PYY: variants seen among roughly 807,000 people sequenced by gnomAD.
The protein encoded by PYY is peptide YY.
Under a neutral mutation model 10.3 loss-of-function variants are expected in PYY, and 12 were observed. The ratio of observed to expected loss-of-function variants is 1.17; its 90% CI spans 0.75 to 1.89. PYY has a LOEUF of 1.89. Ranked by LOEUF, PYY falls within the 40% of genes most tolerant of loss-of-function variation. The probability of loss-of-function intolerance (pLI) is 0.00; values close to 1 mark genes in which losing one functional copy is unlikely to be tolerated. For synonymous variants in PYY, 66 were observed against 62.0 expected (o/e 1.06, Z -0.30); for missense variants, 141 against 134.0 (o/e 1.05, Z -0.26).
chr17:43,968,173 G>A (rs554272664), intron 1 of PYY, among the ~76,000 whole-genome samples: 3 of 152,152 alleles, frequency 2.0e-5, no homozygotes, highest in Admixed American at 6.5e-5. Flanking sequence ...TTGCGGGCAG[G>A]AGTAAGACAC....
upstream of PYY, among the ~76,000 whole-genome samples, chr17:43,956,413 C>T (rs2048672245): frequency 1.4e-5 from 2 of 146,044 alleles, no homozygotes; most frequent in Non-Finnish European, 1.5e-5. Context: ...TCAATGGGCT[C>T]AGCCACCCCC....
At chr17:43,965,565 G>A (rs908614605) in intron 2 of PYY, among the ~76,000 whole-genome samples, 21 of 151,126 alleles carry the variant, frequency 1.4e-4, no homozygotes, top group African/African-American at 3.4e-4. Flanking sequence ...CAAGGCAGGC[G>A]GATCACTTGA....
intron 1 of PYY, among the ~76,000 whole-genome samples, chr17:43,983,923 T>C (rs929146152): frequency 6.6e-6 from 1 of 152,186 alleles, no homozygotes; most frequent in African/African-American, 2.4e-5. Flanking sequence ...GCGGCTGCTG[T>C]TTGCGCAGCT....
upstream of PYY, among the ~76,000 whole-genome samples, chr17:43,956,935 C>G (rs2048676031): frequency 6.6e-6 from 1 of 150,682 alleles, no homozygotes; most frequent in Non-Finnish European, 1.5e-5. Context: ...GCGTGGTGCT[C>G]ACGCCTGTAA....
chr17:43,997,743 G>A (rs1358070678), intron 1 of PYY, among the ~76,000 whole-genome samples: 3 of 152,002 alleles, frequency 2.0e-5, no homozygotes, highest in South Asian at 4.1e-4. Context: ...CACCCCTTAC[G>A]AATGCGGCTT....
In PYY at chr17:43,953,301, C is replaced by A; in HGVS notation, c.183G>T (p.Arg61=). 8.1e-6 allele frequency: 13 copies of A among 1,612,152 alleles called. No individual in the cohort carries two copies. The highest frequency in any genetic ancestry group is 1.1e-5 in the Non-Finnish European group (13 of 1,179,086). ...SLRHYLNLVT[R]QRYGKRDGPD... The stretch of plus-strand genomic sequence containing the variant: ...CGCTCCGCGCCTGCGCTCACCGCTG[C>A]CGGGTGACCAGGTTGAGGTAGTGGC... The change falls in exon 2 of 4, where the codon CGG becomes CGT. Residue 61 remains arginine (R), a synonymous_variant. Transcript: ENST00000692052.
chr17:43,964,345 A>G (rs2048739850), intron 2 of PYY, among the ~76,000 whole-genome samples: 1 of 152,350 alleles, frequency 6.6e-6, no homozygotes, highest in East Asian at 1.9e-4. Flanking sequence ...AGGGAATATT[A>G]TGCCCATAAG....
At chr17:43,965,816 A>AAGAG (rs1302185567) in intron 2 of PYY, among the ~76,000 whole-genome samples, 17 of 142,728 alleles carry the variant, frequency 1.2e-4, no homozygotes, top group African/African-American at 3.8e-4. Flanking sequence ...AAAAAAAAAA[A>AAGAG]AGAGAGAGAA....
At chr17:43,968,648 C>T (rs1008059272) in intron 1 of PYY, among the ~76,000 whole-genome samples, 4 of 152,074 alleles carry the variant, frequency 2.6e-5, no homozygotes, top group Non-Finnish European at 5.9e-5. Flanking sequence ...TCTGTCTCTA[C>T]TAAAAATACA....
chr17:43,956,425 G>C (rs3865346), upstream of PYY, among the ~76,000 whole-genome samples: 124,808 of 152,004 alleles, frequency 0.82, 51,530 homozygotes, highest in East Asian at 1. Flanking sequence ...GCCACCCCCC[G>C]ATCCACACAC....
intron 1 of PYY, among the ~76,000 whole-genome samples, chr17:43,990,691 A>G (rs1236845815): frequency 6.6e-6 from 1 of 152,082 alleles, no homozygotes; most frequent in African/African-American, 2.4e-5. Context: ...TAATAACAGC[A>G]TATTTGATAT....
intron 1 of PYY, among the ~76,000 whole-genome samples, chr17:43,978,162 C>T (rs2143933873): frequency 6.8e-6 from 1 of 146,336 alleles, no homozygotes; most frequent in African/African-American, 2.5e-5. Context: ...TGCCACCAGA[C>T]ATAAGGGTGA....
chr17:43,989,534 G>C (rs1399698930), intron 1 of PYY, among the ~76,000 whole-genome samples: 2 of 151,932 alleles, frequency 1.3e-5, no homozygotes, highest in Non-Finnish European at 2.9e-5. Context: ...CACAACACTT[G>C]TTGTTAGCCA....
intron 1 of PYY, among the ~76,000 whole-genome samples, chr17:44,001,966 C>A (rs531468960): frequency 1.3e-5 from 2 of 152,286 alleles, no homozygotes; most frequent in African/African-American, 4.8e-5. Flanking sequence ...CCCCTGGAGG[C>A]TAAGACCTCC....
At chr17:43,967,322 A>G (rs2048761422) in intron 1 of PYY, among the ~76,000 whole-genome samples, 1 of 152,094 alleles carries the variant, frequency 6.6e-6, no homozygotes, top group Admixed American at 6.6e-5. Flanking sequence ...GAAGAAGAAG[A>G]AAGCAATTCC....
At chr17:43,957,881 A>G (rs1449122696), upstream of PYY, 1 of 154,028 alleles carries the variant, frequency 6.5e-6, no homozygotes, top group African/African-American at 2.4e-5. Context: ...CGATGCCAAG[A>G]AGTAAGGGAT....
chr17:43,992,366 A>G (rs890851944), intron 1 of PYY, among the ~76,000 whole-genome samples: 1 of 152,118 alleles, frequency 6.6e-6, no homozygotes, highest in Admixed American at 6.6e-5. Flanking sequence ...GGATCACTTA[A>G]GGTCAGGAGC....
intron 2 of PYY, among the ~76,000 whole-genome samples, chr17:43,960,968 T>A (rs1235372178): frequency 6.6e-6 from 1 of 151,328 alleles, no homozygotes; most frequent in African/African-American, 2.4e-5. Flanking sequence ...ACACCTGTAA[T>A]CTCAGCACTT....
intron 1 of PYY, among the ~76,000 whole-genome samples, chr17:43,991,113 A>T (rs2048954438): frequency 6.6e-6 from 1 of 151,846 alleles, no homozygotes; most frequent in Non-Finnish European, 1.5e-5. Flanking sequence ...GAAAGACAGG[A>T]TACAAAATGT....
Sources: allele counts gnomAD v4.1 joint callset (sites outside exome capture counted in the v4.1 genomes callset), GRCh38; gene constraint gnomAD v4.1.1; transcripts MANE v1.5; gene names NCBI Gene and HGNC (gene_info 2026-07-23, HGNC 2026-07-21).